CEP78: variants seen among roughly 807,000 people sequenced by gnomAD.
The protein encoded by CEP78 is centrosomal protein 78.
In CEP78, 76 loss-of-function variants were observed where a neutral mutation model predicts 81.2. The observed-to-expected ratio is 0.94, with a 90% CI of 0.78 to 1.13. The LOEUF is 1.13. Ranked by LOEUF, CEP78 falls within the 50% of genes most tolerant of loss-of-function variation. CEP78 has a pLI of 0.00. For synonymous variants in CEP78, 293 were observed against 301.4 expected, an observed-to-expected ratio of 0.97 and a Z score of 0.29; for missense variants, 918 against 846.8, an observed-to-expected ratio of 1.08 and a Z score of -1.04.
At chr9:78,267,846 C>G (rs905565068) in intron 16 of CEP78, among the ~76,000 whole-genome samples, 1 of 152,004 alleles carries the variant, frequency 6.6e-6, no homozygotes, top group Non-Finnish European at 1.5e-5. Flanking sequence ...AAGTCCTTTC[C>G]TACAACCAGA....
intron 16 of CEP78, among the ~76,000 whole-genome samples, chr9:78,270,282 A>G (rs1827662461): frequency 6.6e-6 from 1 of 152,216 alleles, no homozygotes; most frequent in Non-Finnish European, 1.5e-5. Flanking sequence ...TATTTTACAT[A>G]TATTTTATCA....
rs1271480158 is a variant in CEP78, at chr9:78,271,640, A to G, written c.*789A>G. On this transcript the variant is annotated 3_prime_UTR_variant, in exon 17 of 17. Coordinates refer to ENST00000643273, the MANE Select transcript of CEP78 (RefSeq NM_001330691.3). ...TCAGCAACTTAATTACTTAGAAAAA[A>G]TCTTTCTCAGAGTAACTAAGCAAAA... 2 of 152,070 alleles carry G rather than the reference A, an allele frequency of 1.3e-5. No individual in the cohort carries two copies. Among genetic ancestry groups the G allele is most frequent in the African/African-American group, 4.8e-5 (2 of 41,426 alleles). The allele number at this position is 152,070 out of a possible 1,614,324, so 9.4% of individuals were successfully genotyped here. A position where few individuals can be genotyped will look rare whatever the true frequency, so the allele number is the denominator to read the frequency against.
Position 78,241,761 on chromosome 9 carries a change from A to G in CEP78, c.565A>G (p.Thr189Ala), listed in dbSNP as rs1204723302. 6.2e-7 allele frequency: 1 copy of G among 1,609,932 alleles called. No individual in the cohort carries two copies. Among genetic ancestry groups the G allele is most frequent in the Admixed American group, 1.7e-5 (1 of 59,882 alleles). The change falls in exon 4 of 17, where the codon ACA (threonine) becomes GCA (alanine). Residue 189 changes from threonine to alanine, a missense_variant. Coordinates refer to ENST00000643273, the MANE Select transcript of CEP78 (RefSeq NM_001330691.3). Reference sequence around the variant, plus strand: ...AGTCAACTTCACAGGATGTAATCTGACATGGCAGGGAGCAGATCACATGGC... The same window carrying G: ...AGTCAACTTCACAGGATGTAATCTGGCATGGCAGGGAGCAGATCACATGGC... ...KTVNFTGCNL[T>A]WQGADHMAKI...
chr9:78,238,170 A>G (rs1031454597), intron 1 of CEP78, among the ~76,000 whole-genome samples: 5 of 151,934 alleles, frequency 3.3e-5, no homozygotes, highest in African/African-American at 9.7e-5. Flanking sequence ...ATCTAAGAGA[A>G]TGGATGGGCG....
At position 78,252,028 on chromosome 9, in the gene CEP78, G is replaced by A. The variant is rs780215853; in HGVS notation, c.1190G>A (p.Arg397His). ...SGFLPWRTAERAKRHRGFPLI... is the reference protein window; with the variant it reads ...SGFLPWRTAEHAKRHRGFPLI... ...TTCTTGCCGTGGCGTACTGCAGAAC[G>A]TGCAAAAAGACACAGGTAGGGTATT... Residue 397 changes from arginine to histidine, a missense_variant, in exon 9 of 17, where the codon CGT (arginine) becomes CAT (histidine). Arg to His is a conservative substitution (Grantham distance 29, BLOSUM62 0). Coordinates refer to ENST00000643273, the MANE Select transcript of CEP78 (RefSeq NM_001330691.3). 10 of 1,591,000 alleles carry A rather than the reference G, an allele frequency of 6.3e-6. No individual in the cohort carries two copies. Among genetic ancestry groups the A allele is most frequent in the East Asian group, 4.5e-5 (2 of 44,742 alleles).
At chr9:78,270,180 G>C (rs577904243) in intron 16 of CEP78, among the ~76,000 whole-genome samples, 1 of 152,256 alleles carries the variant, frequency 6.6e-6, no homozygotes, top group African/African-American at 2.4e-5. Flanking sequence ...GAAGTTAAAT[G>C]AGTTTATACC....
intron 11 of CEP78, among the ~76,000 whole-genome samples, chr9:78,259,537 A>C (rs1371546400): frequency 6.6e-6 from 1 of 152,180 alleles, no homozygotes; most frequent in Non-Finnish European, 1.5e-5. Context: ...TGGATGTGTG[A>C]GTGAGGAGGA....
intron 11 of CEP78, among the ~76,000 whole-genome samples, chr9:78,260,493 T>C (rs933172416): frequency 4.6e-5 from 7 of 151,840 alleles, no homozygotes; most frequent in African/African-American, 1.7e-4. Context: ...GGATCATGAG[T>C]TCAGGAGATC....
At position 78,243,558 on chromosome 9, in the gene CEP78, C is replaced by T. The variant is rs769494999; in HGVS notation, c.700C>T (p.Leu234=). 1 of 1,613,872 alleles carries T rather than the reference C, an allele frequency of 6.2e-7. No homozygotes were observed. Among genetic ancestry groups the T allele is most frequent in the South Asian group, 1.1e-5 (1 of 91,068 alleles). The stretch of plus-strand genomic sequence containing the variant: ...TATGGCTGGCTTAAGACGTATCACA[C>T]TGAATTGCAACACACTTATTGGTGA... ...DCMAGLRRIT[L]NCNTLIGDLG... Residue 234 remains leucine, a synonymous_variant, in exon 5 of 17, where the codon CTG becomes TTG. Transcript: ENST00000643273.
At chr9:78,248,405 C>A in intron 7 of CEP78, 50 bp downstream of exon 7, 1 of 1,186,770 alleles carries the variant, frequency 8.4e-7, no homozygotes, top group Non-Finnish European at 1.3e-6. Context: ...AATTGCTTTT[C>A]TTCTGGGATC....
Position 78,251,210 on chromosome 9 carries a change from TATC to T in CEP78, c.1070-697_1070-695del, listed in dbSNP as rs539352002. ...GATAAGACTTTATACTTCGTTCTAT[TATC>T]CAGTAGGTTTCATTTGTTTTCTTTG... On this transcript the variant is annotated intron_variant, in intron 8 of 16. Coordinates refer to ENST00000643273, the MANE Select transcript of CEP78 (RefSeq NM_001330691.3). 1.1e-3 allele frequency among the ~76,000 whole-genome samples: 162 copies of T among 152,320 alleles called. 1 individual carries two copies. The highest frequency in any genetic ancestry group is 3.6e-3 in the African/African-American group (151 of 41,582).
chr9:78,248,170 A>C (rs551970644), intron 6 of CEP78, 121 bp from the exon 7 acceptor site: 2 of 677,434 alleles, frequency 3.0e-6, no homozygotes, highest in South Asian at 1.7e-5. Flanking sequence ...TAATTACATT[A>C]TGTGGAATTC....
At position 78,248,843 on chromosome 9, in the gene CEP78, G is replaced by T. The variant is rs1826624252; in HGVS notation, c.1039G>T (p.Gly347Cys). The change falls in exon 8 of 17, where the codon GGT becomes TGT. Residue 347 changes from glycine (G) to cysteine (C), a missense_variant. By Grantham distance (159) the Gly-to-Cys change is radical. Coordinates refer to ENST00000643273, the MANE Select transcript of CEP78 (RefSeq NM_001330691.3). ...AAGGAGAACTATAATTCTAGGAAGT[G>T]GTCACAAAGGAAAAGCTACTATTAG... ...QKRRTIILGS[G>C]HKGKATIRIG... 1 of 1,590,860 alleles carries T rather than the reference G, an allele frequency of 6.3e-7. No homozygotes were observed. The highest frequency in any genetic ancestry group is 1.1e-5 in the South Asian group (1 of 87,268).
At chr9:78,246,880 C>A in intron 6 of CEP78, 98 bp downstream of exon 6, 1 of 617,298 alleles carries the variant, frequency 1.6e-6, no homozygotes, top group East Asian at 3.1e-5. Context: ...GTTTCCTTCC[C>A]TAATCTTACA....
rs1827741699 is a variant in CEP78 at position 78,273,581 on chromosome 9, A to C, written c.*2730A>C. Reference sequence around the variant, plus strand: ...AAACTCCGTCTCTACTAAAAATACAAAAAAAAAAAAAAAAAATTAGCTGGG... The same window carrying C: ...AAACTCCGTCTCTACTAAAAATACACAAAAAAAAAAAAAAAATTAGCTGGG... On this transcript the variant is annotated 3_prime_UTR_variant, in exon 17 of 17. Transcript: ENST00000643273. 1 of 129,460 alleles carries C rather than the reference A, an allele frequency of 7.7e-6. No homozygotes were observed. 8.0% of individuals were successfully genotyped at this position (129,460 alleles called of 1,614,324 possible). A position where few individuals can be genotyped will look rare whatever the true frequency, so the allele number is the denominator to read the frequency against.
intron 6 of CEP78, among the ~76,000 whole-genome samples, chr9:78,247,719 C>A (rs1413843760): frequency 1.3e-5 from 2 of 152,084 alleles, no homozygotes; most frequent in Non-Finnish European, 2.9e-5. Context: ...AGGAGACTCA[C>A]ACTGGTTCAA....
chr9:78,257,682 A>G (rs895161663), intron 11 of CEP78, among the ~76,000 whole-genome samples: 11 of 152,220 alleles, frequency 7.2e-5, no homozygotes, highest in Admixed American at 1.3e-4. Flanking sequence ...ACATAAAACA[A>G]ATTAAACTAT....
intron 12 of CEP78, among the ~76,000 whole-genome samples, chr9:78,263,675 C>T (rs752324619): frequency 2.0e-5 from 3 of 152,014 alleles, no homozygotes; most frequent in Non-Finnish European, 2.9e-5. Flanking sequence ...ATTTGGTGTA[C>T]AGGAGAGTAC....
chr9:78,278,152 T>C lies in CEP78; in HGVS notation c.*7301T>C, dbSNP rs1827841470. 2 of 152,148 alleles carry C rather than the reference T, an allele frequency of 1.3e-5. No homozygotes were observed. Among genetic ancestry groups the C allele is most frequent in the African/African-American group, 4.8e-5 (2 of 41,444 alleles). The allele number at this position is 152,148 out of a possible 1,614,324, so 9.4% of individuals were successfully genotyped here. ...CTCCATTTAATTCTAGGTTGTTTGG[T>C]TTAAAAAAAAAGTTTTTATGTACAA... is the stretch of plus-strand genomic sequence containing the variant. On this transcript the variant is annotated 3_prime_UTR_variant, in exon 17 of 17. Transcript: ENST00000643273.
Sources: gnomAD v4.1 joint callset for allele counts (sites outside exome capture counted in the v4.1 genomes callset) on GRCh38, gnomAD v4.1.1 for gene constraint, MANE v1.5 for transcripts, NCBI Gene and HGNC (gene_info 2026-07-23, HGNC 2026-07-21) for gene names.